The following RPS6KC1 variants were observed in gnomAD, a reference collection of about 807,000 sequenced individuals.
RPS6KC1 encodes ribosomal protein S6 kinase C1, also known as inactive ribosomal protein S6 kinase delta-1.
RPS6KC1 carries 54 observed loss-of-function variants against 103.8 expected under a neutral mutation model. The observed-to-expected ratio is 0.52, with a 90% confidence interval of 0.42 to 0.65. The LOEUF (loss-of-function observed/expected upper bound fraction) is 0.65, where lower values mean the gene tolerates loss of function less well. RPS6KC1 is among the 30% of genes least tolerant of loss of function. The pLI is 0.00. For synonymous variants in RPS6KC1, 439 were observed against 438.7 expected, an observed-to-expected ratio of 1.00 and a Z score of -0.01; for missense variants, 1,151 against 1,253.8, an observed-to-expected ratio of 0.92 and a Z score of 1.24.
the RPS6KC1 span, among the ~76,000 whole-genome samples, chr1:213,430,057 G>T: frequency 6.6e-6 from 1 of 152,146 alleles, no homozygotes; most frequent in Non-Finnish European, 1.5e-5. Context: ...ACTGACCCTG[G>T]GCTACCTAGT....
At chr1:213,583,482 G>T in the RPS6KC1 span, among the ~76,000 whole-genome samples, 1 of 152,104 alleles carries the variant, frequency 6.6e-6, no homozygotes, top group Non-Finnish European at 1.5e-5. Context: ...ATATAGATTT[G>T]CAAATCTGAG....
At chr1:213,795,243 A>G in the RPS6KC1 span, among the ~76,000 whole-genome samples, 74 of 152,338 alleles carry the variant, frequency 4.9e-4, 1 homozygote, top group African/African-American at 1.8e-3. Context: ...TTTATTGAAC[A>G]TCTACCCTAT....
chr1:213,218,466 A>G (rs763542071), intron 8 of RPS6KC1, among the ~76,000 whole-genome samples: 7 of 152,352 alleles, frequency 4.6e-5, no homozygotes, highest in Admixed American at 2.6e-4. Flanking sequence ...TATAGATTCA[A>G]TGCCATCCTC....
chr1:213,670,161 A>C, the RPS6KC1 span, among the ~76,000 whole-genome samples: 1 of 152,142 alleles, frequency 6.6e-6, no homozygotes, highest in East Asian at 1.9e-4. Flanking sequence ...TCCTTCGAGG[A>C]GGTCCCTGTG....
chr1:213,110,859 G>T (rs1363947982), intron 4 of RPS6KC1, among the ~76,000 whole-genome samples: 1 of 152,040 alleles, frequency 6.6e-6, no homozygotes, highest in Non-Finnish European at 1.5e-5. Flanking sequence ...TTTCCTGACT[G>T]CAACTTCAGG....
At chr1:213,538,395 A>G in the RPS6KC1 span, among the ~76,000 whole-genome samples, 4 of 152,166 alleles carry the variant, frequency 2.6e-5, no homozygotes, top group African/African-American at 9.7e-5. Context: ...TGAGCCTTAC[A>G]TTGGCTTGAG....
the RPS6KC1 span, among the ~76,000 whole-genome samples, chr1:213,370,436 G>A: frequency 6.6e-6 from 1 of 152,008 alleles, no homozygotes; most frequent in African/African-American, 2.4e-5. Context: ...GATTTGTTGG[G>A]CACTTACAGG....
the RPS6KC1 span, among the ~76,000 whole-genome samples, chr1:213,602,128 TTCTTTC>T: frequency 5.3e-5 from 3 of 56,252 alleles, no homozygotes; most frequent in Non-Finnish European, 1.0e-4. Context: ...TTCTCTTTCT[TTCTTTC>T]TTTCTTTCTT....
intron 3 of RPS6KC1, among the ~76,000 whole-genome samples, chr1:213,102,384 T>C (rs904895905): frequency 6.6e-6 from 1 of 152,156 alleles, no homozygotes; most frequent in Non-Finnish European, 1.5e-5. Context: ...CACTGTACCC[T>C]GTTTGTGTCA....
the RPS6KC1 span, among the ~76,000 whole-genome samples, chr1:213,605,959 G>C: frequency 6.6e-6 from 1 of 152,192 alleles, no homozygotes; most frequent in Non-Finnish European, 1.5e-5. Flanking sequence ...AGCCCAAGGA[G>C]AGCTTGAAAA....
chr1:213,555,878 T>C, the RPS6KC1 span, among the ~76,000 whole-genome samples: 2 of 152,252 alleles, frequency 1.3e-5, no homozygotes, highest in Non-Finnish European at 2.9e-5. Flanking sequence ...TTCATCTTTT[T>C]CTCTAAGAAT....
the RPS6KC1 span, among the ~76,000 whole-genome samples, chr1:213,471,220 G>A: frequency 6.6e-6 from 1 of 152,024 alleles, no homozygotes; most frequent in African/African-American, 2.4e-5. Context: ...GACTCTAATT[G>A]TCTTTCTTTC....
At chr1:213,396,962 G>A in the RPS6KC1 span, among the ~76,000 whole-genome samples, 1 of 152,174 alleles carries the variant, frequency 6.6e-6, no homozygotes, top group South Asian at 2.1e-4. Context: ...TCTTGCCAGG[G>A]TCTCCTTCCT....
the RPS6KC1 span, among the ~76,000 whole-genome samples, chr1:213,570,763 C>G: frequency 3.9e-5 from 6 of 152,106 alleles, no homozygotes; most frequent in Non-Finnish European, 7.4e-5. Context: ...ATCTGAGCAA[C>G]CCAGCCCTAC....
At chr1:213,145,975 T>G (rs2087736105) in intron 6 of RPS6KC1, among the ~76,000 whole-genome samples, 2 of 142,436 alleles carry the variant, frequency 1.4e-5, no homozygotes, top group East Asian at 2.0e-4. Context: ...CTGTTTTTTT[T>G]TTTTTTTTTT....
chr1:213,860,210 C>T, the RPS6KC1 span, among the ~76,000 whole-genome samples: 4 of 150,796 alleles, frequency 2.7e-5, no homozygotes, highest in Non-Finnish European at 4.4e-5. Context: ...TAGGCTTATG[C>T]TCTTAATTTT....
At chr1:213,468,230 A>G in the RPS6KC1 span, among the ~76,000 whole-genome samples, 1 of 152,244 alleles carries the variant, frequency 6.6e-6, no homozygotes, top group African/African-American at 2.4e-5. Context: ...AATGGCAGAT[A>G]ATCCAAAAGC....
Position 213,236,678 on chromosome 1 carries a change from C to T in RPS6KC1, c.1226-4024C>T, listed in dbSNP as rs1465861786. On this transcript the variant is annotated intron_variant, in intron 10 of 14. Coordinates refer to ENST00000366960, the MANE Select transcript of RPS6KC1 (RefSeq NM_012424.6). ...ATTCATCATATGTATGATGAATTAG[C>T]AAAATACTTGGTATTTAGAAGGTGC... 2.6e-5 allele frequency among the ~76,000 whole-genome samples: 4 copies of T among 152,150 alleles called. No homozygotes were observed. In the East Asian group the frequency reaches 7.7e-4, roughly 29 times the overall value.
chr1:213,067,286 A>C (rs1201005079), intron 1 of RPS6KC1, among the ~76,000 whole-genome samples: 1 of 152,212 alleles, frequency 6.6e-6, no homozygotes, highest in Non-Finnish European at 1.5e-5. Flanking sequence ...GACCTGTCTC[A>C]GATATTCGGG....
Sources: gnomAD v4.1 joint callset for allele counts (sites outside exome capture counted in the v4.1 genomes callset) on GRCh38, gnomAD v4.1.1 for gene constraint, MANE v1.5 for transcripts, NCBI Gene and HGNC (gene_info 2026-07-23, HGNC 2026-07-21) for gene names.